ARID1B: variants seen among roughly 807,000 people sequenced by gnomAD.
The protein encoded by ARID1B is AT-rich interactive domain-containing protein 1B.
In ARID1B, 30 loss-of-function variants were observed where a neutral mutation model predicts 212.3. The observed-to-expected ratio is 0.14, with a 90% confidence interval of 0.11 to 0.19. The LOEUF (loss-of-function observed/expected upper bound fraction) is 0.19, where lower values mean the gene tolerates loss of function less well. Among genes scored for constraint, ARID1B ranks in the 10% least tolerant of loss-of-function variants. The probability of loss-of-function intolerance (pLI) is 1.00; values close to 1 mark genes in which losing one functional copy is unlikely to be tolerated. For missense variants in ARID1B, 2,891 were observed against 3,204.0 expected, an observed-to-expected ratio of 0.90 and a Z score of 2.36; for synonymous variants, 1,402 against 1,301.7, an observed-to-expected ratio of 1.08 and a Z score of -1.66.
chr6:156,938,782 C>T (rs1792453363), intron 4 of ARID1B: 1 of 152,200 alleles, frequency 6.6e-6, no homozygotes, highest in Non-Finnish European at 1.5e-5. Flanking sequence ...CTTTATGCTA[C>T]ATCTATACTT....
chr6:157,063,650 G>T (rs868561971), intron 4 of ARID1B, among the ~76,000 whole-genome samples: 2 of 152,196 alleles, frequency 1.3e-5, no homozygotes, highest in Non-Finnish European at 2.9e-5. Context: ...AAACTCATAC[G>T]AAATGTACTT....
At chr6:157,151,533 A>G (rs576582528) in intron 8 of ARID1B, 3 of 152,368 alleles carry the variant, frequency 2.0e-5, no homozygotes, top group South Asian at 2.1e-4. Flanking sequence ...CAGTGTTGCC[A>G]TATTATTCTC....
intron 2 of ARID1B, among the ~76,000 whole-genome samples, chr6:156,893,935 T>G (rs2128193547): frequency 6.6e-6 from 1 of 152,268 alleles, no homozygotes; most frequent in African/African-American, 2.4e-5. Context: ...GTCCCACTTC[T>G]CGGAATGTAC....
chr6:156,820,733 C>A (rs1320750523), intron 1 of ARID1B, among the ~76,000 whole-genome samples: 1 of 152,138 alleles, frequency 6.6e-6, no homozygotes, highest in Non-Finnish European at 1.5e-5. Flanking sequence ...TAACCTTTTC[C>A]CCAAATTATG....
chr6:156,922,764 C>T (rs1056048424), intron 3 of ARID1B, among the ~76,000 whole-genome samples: 17 of 152,172 alleles, frequency 1.1e-4, no homozygotes, highest in Non-Finnish European at 2.2e-4. Context: ...AGATTCTCCT[C>T]CCAGACAAAT....
rs184547343 is a variant in ARID1B, at chr6:156,915,320, C to T, written c.2136+13795C>T. 2.6e-3 allele frequency among the ~76,000 whole-genome samples: 401 copies of T among 151,526 alleles called. 9 individuals are homozygous for T. The highest frequency in any genetic ancestry group is 0.024 in the Admixed American group (358 of 15,210). ...AGTGGCTCATGCCTGTAATCCCAGC[C>T]CTTTGGGAAGCTGAGGTGGGTGGAT... On this transcript the variant is annotated intron_variant, in intron 3 of 19. Transcript: ENST00000636930.
At chr6:157,048,348 C>T (rs1464288002) in intron 4 of ARID1B, among the ~76,000 whole-genome samples, 1 of 152,132 alleles carries the variant, frequency 6.6e-6, no homozygotes, top group African/African-American at 2.4e-5. Flanking sequence ...AAAAGATATT[C>T]CCAAATAAGC....
At chr6:156,913,309 C>T (rs973904058) in intron 3 of ARID1B, among the ~76,000 whole-genome samples, 3 of 151,354 alleles carry the variant, frequency 2.0e-5, no homozygotes, top group South Asian at 2.1e-4. Flanking sequence ...CTCTGCCTCC[C>T]GGGTTCAAGC....
rs760886652 is a variant in ARID1B at position 157,206,093 on chromosome 6, T to G, written c.5395-74T>G. The G allele has an allele frequency of 2.7e-6, 4 of 1,489,118 alleles. No individual in the cohort carries two copies. Among genetic ancestry groups the G allele is most frequent in the Non-Finnish European group, 3.7e-6 (4 of 1,093,494 alleles). 92.2% of individuals were successfully genotyped at this position (1,489,118 alleles called of 1,614,324 possible). A position where few individuals can be genotyped will look rare whatever the true frequency, so the allele number is the denominator to read the frequency against. ...AGGTATTGACGGGTCTCAGGATCTT[T>G]ACCCTCCTCGGTCATATCTGATGTC... On this transcript the variant is annotated intron_variant, in intron 19 of 19. Transcript: ENST00000636930. This position sits in a 1 kb window ranked among gnomAD's most constrained non-coding sequence, Gnocchi z 6.8.
chr6:157,137,486 C>T (rs1789016907), intron 7 of ARID1B, among the ~76,000 whole-genome samples: 1 of 152,228 alleles, frequency 6.6e-6, no homozygotes, highest in South Asian at 2.1e-4. Flanking sequence ...AAAAAGAGAG[C>T]TAAAATCAAT....
chr6:157,090,069 G>C (rs1785185272), intron 5 of ARID1B, among the ~76,000 whole-genome samples: 1 of 152,230 alleles, frequency 6.6e-6, no homozygotes, highest in Non-Finnish European at 1.5e-5. Context: ...AGATTCTGCG[G>C]ATGTTAATTT....
At chr6:157,037,411 C>T (rs1213068751) in intron 4 of ARID1B, among the ~76,000 whole-genome samples, 1 of 152,064 alleles carries the variant, frequency 6.6e-6, no homozygotes, top group Non-Finnish European at 1.5e-5. Flanking sequence ...AAGAAACATG[C>T]CAGAGGCTGC....
intron 3 of ARID1B, among the ~76,000 whole-genome samples, chr6:156,932,379 C>G (rs1368655416): frequency 6.6e-6 from 1 of 152,122 alleles, no homozygotes; most frequent in South Asian, 2.1e-4. Context: ...TTTCCATTGC[C>G]TGGTTCTTGT....
At chr6:157,091,159 C>T (rs997026625) in intron 5 of ARID1B, among the ~76,000 whole-genome samples, 3 of 152,178 alleles carry the variant, frequency 2.0e-5, no homozygotes, top group Non-Finnish European at 2.9e-5. Flanking sequence ...TATAGTGGAG[C>T]CTAATTCTCT....
chr6:156,944,718 C>G (rs1792934084), intron 4 of ARID1B, among the ~76,000 whole-genome samples: 1 of 152,132 alleles, frequency 6.6e-6, no homozygotes, highest in African/African-American at 2.4e-5. Flanking sequence ...CCTTCACCTC[C>G]AAACCTCAGG....
chr6:156,916,234 C>G (rs190924805), intron 3 of ARID1B, among the ~76,000 whole-genome samples: 2 of 152,118 alleles, frequency 1.3e-5, no homozygotes, highest in Non-Finnish European at 2.9e-5. Flanking sequence ...TCCATGAATT[C>G]CACAACTTCT....
At chr6:156,935,248 T>C (rs1792099947) in intron 3 of ARID1B, among the ~76,000 whole-genome samples, 1 of 151,588 alleles carries the variant, frequency 6.6e-6, no homozygotes, top group Non-Finnish European at 1.5e-5. Context: ...TCGGCTAATT[T>C]TTTATTATTT....
At chr6:157,116,272 C>T (rs1787316960) in intron 6 of ARID1B, among the ~76,000 whole-genome samples, 1 of 151,912 alleles carries the variant, frequency 6.6e-6, no homozygotes, top group Non-Finnish European at 1.5e-5. Flanking sequence ...ATTGGATTAG[C>T]AATTAGGTGA....
At chr6:156,844,262 TTTTG>T (rs1449468968) in intron 2 of ARID1B, among the ~76,000 whole-genome samples, 1 of 152,218 alleles carries the variant, frequency 6.6e-6, no homozygotes, top group Non-Finnish European at 1.5e-5. Flanking sequence ...TTTTGTTTTG[TTTTG>T]TTTAAGAAGA....
Sources: gnomAD v4.1 joint callset for allele counts (sites outside exome capture counted in the v4.1 genomes callset) on GRCh38, gnomAD v4.1.1 for gene constraint, Gnocchi (gnomAD v3.1) non-coding constraint, MANE v1.5 for transcripts, NCBI Gene and HGNC (gene_info 2026-07-23, HGNC 2026-07-21) for gene names.